Variants in FHOD3 observed in about 807,000 individuals in gnomAD.
FHOD3 encodes the protein FH1/FH2 domain-containing protein 3.
In FHOD3, 90 loss-of-function variants were observed where a neutral mutation model predicts 173.0. The observed-to-expected ratio is 0.52, with a 90% CI of 0.44 to 0.62. The LOEUF (loss-of-function observed/expected upper bound fraction) is 0.62. FHOD3 is among the 20% of genes least tolerant of loss of function. FHOD3 has a pLI of 0.00. For synonymous variants in FHOD3, 828 were observed against 823.0 expected, an observed-to-expected ratio of 1.01 and a Z score of -0.10; for missense variants, 1,945 against 2,034.7, an observed-to-expected ratio of 0.96 and a Z score of 0.85.
At chr18:36,767,677 A>G (rs2043198590) in intron 27 of FHOD3, among the ~76,000 whole-genome samples, 1 of 152,246 alleles carries the variant, frequency 6.6e-6, no homozygotes, top group African/African-American at 2.4e-5. Flanking sequence ...TTTTATGTAC[A>G]TGCAGGTGAC....
At chr18:36,726,478 T>A (rs896146192) in intron 19 of FHOD3, among the ~76,000 whole-genome samples, 3 of 152,116 alleles carry the variant, frequency 2.0e-5, no homozygotes, top group Non-Finnish European at 4.4e-5. Context: ...TCTCACTCCC[T>A]CTTTCTGGAT....
At chr18:36,648,915 A>C (rs1386534916) in intron 10 of FHOD3, among the ~76,000 whole-genome samples, 7 of 152,246 alleles carry the variant, frequency 4.6e-5, no homozygotes, top group Admixed American at 4.6e-4. Context: ...TGGTTGCTGC[A>C]GCAGCTGGTC....
intron 3 of FHOD3, among the ~76,000 whole-genome samples, chr18:36,381,379 T>C (rs1313341824): frequency 6.6e-6 from 1 of 152,210 alleles, no homozygotes; most frequent in Non-Finnish European, 1.5e-5. Context: ...GGCTTCCACA[T>C]CCTTTCCATG....
rs1357677572 is a variant in FHOD3, at chr18:36,780,124, T to C, written c.*594T>C. ...GTTCCACAGGCTCGCCTCTTCAGAA[T>C]GGCAAAACTCTTCTCAGTGTCCTCA... On this transcript the variant is annotated 3_prime_UTR_variant, in exon 29 of 29. Transcript: ENST00000590592. 1.3e-5 allele frequency: 16 copies of C among 1,232,042 alleles called. No homozygotes were observed. The highest frequency in any genetic ancestry group is 1.5e-5 in the Non-Finnish European group (15 of 988,054). The allele number at this position is 1,232,042 out of a possible 1,614,324, so 76.3% of individuals were successfully genotyped here. A position where few individuals can be genotyped will look rare whatever the true frequency, so the allele number is the denominator to read the frequency against.
chr18:36,575,038 T>C (rs905269449), intron 5 of FHOD3, among the ~76,000 whole-genome samples: 3 of 152,102 alleles, frequency 2.0e-5, no homozygotes, highest in Non-Finnish European at 4.4e-5. Flanking sequence ...TGGTGCGATC[T>C]TGGCTCACTG....
At chr18:36,473,975 C>T (rs1481997363) in intron 3 of FHOD3, among the ~76,000 whole-genome samples, 7 of 152,218 alleles carry the variant, frequency 4.6e-5, no homozygotes, top group Non-Finnish European at 1.0e-4. Context: ...ATTGCTGATC[C>T]CACATCCCAC....
intron 3 of FHOD3, among the ~76,000 whole-genome samples, chr18:36,431,110 T>C (rs770220603): frequency 3.3e-5 from 5 of 152,196 alleles, no homozygotes; most frequent in African/African-American, 4.8e-5. Context: ...GTAATGGAAA[T>C]GCATGTCCTG....
In FHOD3 at chr18:36,689,771, A is replaced by G. The variant is rs542689707; in HGVS notation, c.2021+2593A>G. On this transcript the variant is annotated intron_variant, in intron 16 of 28. Transcript: ENST00000590592. ...GCAGGGCATGGAGAAGAAATGCTTT[A>G]TAGCAAACAGGGGCTATGGGAACAA... is the stretch of plus-strand genomic sequence containing the variant. 2.0e-5 allele frequency among the ~76,000 whole-genome samples: 3 copies of G among 152,294 alleles called. No individual in the cohort carries two copies. In the South Asian group the frequency reaches 6.2e-4, roughly 32 times the overall value.
chr18:36,331,154 C>T (rs761061172), intron 1 of FHOD3, among the ~76,000 whole-genome samples: 3 of 152,154 alleles, frequency 2.0e-5, no homozygotes, highest in Non-Finnish European at 2.9e-5. Context: ...TAAACAATAA[C>T]ATACAAATAA....
In FHOD3 at chr18:36,747,015, T is replaced by G; in HGVS notation, c.4112T>G (p.Leu1371Arg). The G allele has an allele frequency of 6.2e-7, 1 of 1,614,046 alleles. No homozygotes were observed. The highest frequency in any genetic ancestry group is 8.5e-7 in the Non-Finnish European group (1 of 1,179,992). Residue 1371 changes from leucine (L) to arginine (R), a missense_variant, in exon 24 of 29, where the codon CTC becomes CGC. Physicochemically the swap from Leu to Arg is moderately radical, Grantham distance 102. This residue lies in a region of FHOD3 where 354 missense variants were observed against 359.9 expected (regional missense o/e 0.98). Coordinates refer to ENST00000590592, the MANE Select transcript of FHOD3 (RefSeq NM_001281740.3). Reference protein sequence around the residue: ...ERRCKASWDHLKAIAKHEMKP... With the variant: ...ERRCKASWDHRKAIAKHEMKP... The stretch of plus-strand genomic sequence containing the variant: ...AGATGCAAAGCTTCATGGGATCACC[T>G]CAAGGCAATTGCAAAACATGAAATG...
At chr18:36,644,856 G>A (rs1306873889) in intron 10 of FHOD3, among the ~76,000 whole-genome samples, 1 of 152,202 alleles carries the variant, frequency 6.6e-6, no homozygotes, top group Non-Finnish European at 1.5e-5. Flanking sequence ...AGGCAGTCTG[G>A]CTCCAGAACC....
chr18:36,443,096 C>T (rs894711866), intron 3 of FHOD3, among the ~76,000 whole-genome samples: 2 of 152,178 alleles, frequency 1.3e-5, no homozygotes, highest in African/African-American at 4.8e-5. Flanking sequence ...CAATGTTTCT[C>T]ATTACCGCTG....
At chr18:36,581,654 C>T (rs1168486292) in intron 6 of FHOD3, among the ~76,000 whole-genome samples, 1 of 152,188 alleles carries the variant, frequency 6.6e-6, no homozygotes, top group Non-Finnish European at 1.5e-5. Flanking sequence ...GGAGCCCTGG[C>T]CAAGGCCCTC....
chr18:36,692,385 A>C (rs1460466766), intron 16 of FHOD3, among the ~76,000 whole-genome samples: 2 of 152,194 alleles, frequency 1.3e-5, no homozygotes, highest in Non-Finnish European at 2.9e-5. Context: ...TGAATGCATA[A>C]ATTTATTTCT....
At position 36,372,744 on chromosome 18, in the gene FHOD3, G is replaced by A; in HGVS notation, c.337G>A (p.Glu113Lys). 6.2e-7 allele frequency: 1 copy of A among 1,613,528 alleles called. No individual in the cohort carries two copies. Among genetic ancestry groups the A allele is most frequent in the Non-Finnish European group, 8.5e-7 (1 of 1,179,618 alleles). ...QLSVRVHACI[E>K]KLYNSSGRDL... ...GTCTGTGAGGGTCCATGCCTGCATC[G>A]GTGAGTGACACCTGCCCTCAGGAAC... The change falls in exon 3 of 29, where the codon GAA becomes AAA. Residue 113 changes from glutamate to lysine, a missense_variant and splice_region_variant. Around this residue, in one of 5 missense-constraint regions of FHOD3, gnomAD observed 245 missense variants for 267.7 expected, o/e 0.92. Transcript: ENST00000590592.
In FHOD3 at chr18:36,681,457, C is replaced by T. The variant is rs1473135606; in HGVS notation, c.1857C>T (p.Leu619=). ...RLERSSPSGL[L]TSSFRQHQES... ...CCAGGTCATCACCGAGTGGTCTTCTCACATCATCCTTCAGGCAGCACCAAG... is the reference window on the plus strand; with the variant it reads ...CCAGGTCATCACCGAGTGGTCTTCTTACATCATCCTTCAGGCAGCACCAAG... The change falls in exon 15 of 29, where the codon CTC becomes CTT. Residue 619 remains leucine, a synonymous_variant. Transcript: ENST00000590592. The T allele has an allele frequency of 1.2e-6, 2 of 1,613,868 alleles. No homozygotes were observed. Among genetic ancestry groups the T allele is most frequent in the African/African-American group, 2.7e-5 (2 of 75,018 alleles).
At chr18:36,356,231 T>G in intron 2 of FHOD3, among the ~76,000 whole-genome samples, 1 of 152,388 alleles carries the variant, frequency 6.6e-6, no homozygotes, top group South Asian at 2.1e-4. Flanking sequence ...CGGTATCATC[T>G]TTTAAACTCA....
chr18:36,470,295 T>C (rs2053205080), intron 3 of FHOD3, among the ~76,000 whole-genome samples: 1 of 152,198 alleles, frequency 6.6e-6, no homozygotes, highest in Non-Finnish European at 1.5e-5. Flanking sequence ...GCTCAATAAA[T>C]ATTAGTGACA....
chr18:36,592,703 G>A (rs1429033778), intron 6 of FHOD3, among the ~76,000 whole-genome samples: 1 of 152,168 alleles, frequency 6.6e-6, no homozygotes, highest in Non-Finnish European at 1.5e-5. Flanking sequence ...TGGGGTGAGG[G>A]AAGTGCAGGC....
Sources: allele counts gnomAD v4.1 joint callset (sites outside exome capture counted in the v4.1 genomes callset), GRCh38; gene constraint gnomAD v4.1.1; regional missense constraint gnomAD v4.1.1; transcripts MANE v1.5; gene names NCBI Gene and HGNC (gene_info 2026-07-23, HGNC 2026-07-21).